PDE4D: variants seen among roughly 807,000 people sequenced by gnomAD.
The protein encoded by PDE4D is phosphodiesterase 4D, also known as 3',5'-cyclic-AMP phosphodiesterase 4D.
A neutral mutation model predicts 87.4 loss-of-function variants in PDE4D; 24 were observed. The ratio of observed to expected loss-of-function variants is 0.27; its 90% CI spans 0.20 to 0.39. The LOEUF is 0.39. Ranked by LOEUF, PDE4D falls within the 10% of genes least tolerant of loss-of-function variation. PDE4D has a pLI of 1.00. For synonymous variants in PDE4D, 384 were observed against 383.2 expected (o/e 1.00, Z -0.02); for missense variants, 714 against 1,041.0 (o/e 0.69, Z 4.32).
Position 58,990,818 on chromosome 5 carries a change from G to C in PDE4D, c.1273C>G (p.His425Asp). Residue 425 changes from histidine to aspartate, a missense_variant, in exon 9 of 15, where the codon CAC (histidine) becomes GAC (aspartate). His to Asp is a moderately conservative substitution (Grantham distance 81). Coordinates refer to ENST00000340635, the MANE Select transcript of PDE4D (RefSeq NM_001104631.2). ...AACCACCTTACCTGAAAAATGGTGT[G>C]CATGATAACAGTCAAGGGCCGGTTA... ...SGNRPLTVIM[H>D]TIFQERDLLK... 4.4e-6 allele frequency: 7 copies of C among 1,581,734 alleles called. No homozygotes were observed. The highest frequency in any genetic ancestry group is 6.1e-6 in the Non-Finnish European group (7 of 1,157,014).
At chr5:59,726,164 A>T (rs544097300) in intron 1 of PDE4D, among the ~76,000 whole-genome samples, 1 of 152,250 alleles carries the variant, frequency 6.6e-6, no homozygotes, top group South Asian at 2.1e-4. Context: ...TTTTCCCAAC[A>T]CTATAATTTT....
intron 2 of PDE4D, among the ~76,000 whole-genome samples, chr5:60,051,081 C>G (rs1182590949): frequency 6.6e-6 from 1 of 152,102 alleles, no homozygotes; most frequent in Non-Finnish European, 1.5e-5. Context: ...GACTCCCACA[C>G]AATAATATTG....
At chr5:59,141,710 T>TGAAAGGCCC (rs1777913262) in intron 5 of PDE4D, among the ~76,000 whole-genome samples, 1 of 152,240 alleles carries the variant, frequency 6.6e-6, no homozygotes, top group East Asian at 1.9e-4. Flanking sequence ...GCTAATGTAT[T>TGAAAGGCCC]AGGCATGTGA....
intron 5 of PDE4D, among the ~76,000 whole-genome samples, chr5:59,176,155 T>G (rs1470138867): frequency 1.3e-5 from 2 of 152,196 alleles, no homozygotes; most frequent in African/African-American, 4.8e-5. Context: ...TTTTAAGGAA[T>G]TGTTAGATCA....
chr5:59,762,893 A>ATC (rs70975330), intron 1 of PDE4D, among the ~76,000 whole-genome samples: 1 of 105,906 alleles, frequency 9.4e-6, no homozygotes. Context: ...ATATATATAT[A>ATC]GCTTGCTCTT....
At position 59,412,221 on chromosome 5, in the gene PDE4D, A is replaced by C. The variant is rs534086017; in HGVS notation, c.456-196253T>G. On this transcript the variant is annotated intron_variant, in intron 1 of 14. Transcript: ENST00000340635. Reference sequence around the variant, plus strand: ...ACTAATGCAGTCATCTTTTACATTAAATGCAACGTTTTGTACTTTTATTTT... The same window carrying C: ...ACTAATGCAGTCATCTTTTACATTACATGCAACGTTTTGTACTTTTATTTT... 6.6e-5 allele frequency among the ~76,000 whole-genome samples: 10 copies of C among 152,286 alleles called. No homozygotes were observed. The South Asian group carries it at 2.1e-3, about 32-fold the overall frequency.
intron 5 of PDE4D, among the ~76,000 whole-genome samples, chr5:59,145,154 C>A (rs1778447277): frequency 6.6e-6 from 1 of 152,026 alleles, no homozygotes; most frequent in Non-Finnish European, 1.5e-5. Flanking sequence ...GGAGCATTCT[C>A]CATACAGTCT....
intron 2 of PDE4D, among the ~76,000 whole-genome samples, chr5:59,197,289 C>G (rs1745668855): frequency 6.6e-6 from 1 of 151,994 alleles, no homozygotes. Flanking sequence ...TGATAATTTA[C>G]CAGCCTTTTT....
intron 1 of PDE4D, among the ~76,000 whole-genome samples, chr5:60,215,358 C>G (rs1743742632): frequency 1.3e-5 from 2 of 152,112 alleles, no homozygotes; most frequent in Non-Finnish European, 2.9e-5. Flanking sequence ...AAAAACTATC[C>G]TTGTGTTTTA....
chr5:59,890,980 C>G (rs1277890373), intron 1 of PDE4D, among the ~76,000 whole-genome samples: 2 of 152,190 alleles, frequency 1.3e-5, no homozygotes, highest in Non-Finnish European at 2.9e-5. Context: ...GCAAAAGCAA[C>G]TCTATTAAGG....
At chr5:60,191,168 A>T (rs903312123) in intron 1 of PDE4D, among the ~76,000 whole-genome samples, 6 of 152,190 alleles carry the variant, frequency 3.9e-5, no homozygotes, top group African/African-American at 1.4e-4. Flanking sequence ...AGGTCCAATA[A>T]CAAAAAGTAT....
At chr5:60,230,188 A>G (rs2149622670) in intron 1 of PDE4D, among the ~76,000 whole-genome samples, 1 of 152,278 alleles carries the variant, frequency 6.6e-6, no homozygotes, top group African/African-American at 2.4e-5. Context: ...ATTTTAAAAA[A>G]CAATGATTTT....
intron 1 of PDE4D, among the ~76,000 whole-genome samples, chr5:59,364,513 GT>G (rs1240274600): frequency 6.6e-6 from 1 of 152,114 alleles, no homozygotes; most frequent in Non-Finnish European, 1.5e-5. Context: ...AATTTGACGT[GT>G]TTTTGTTTGA....
intron 1 of PDE4D, among the ~76,000 whole-genome samples, chr5:59,829,155 A>C (rs2152695256): frequency 6.6e-6 from 1 of 152,026 alleles, no homozygotes; most frequent in East Asian, 1.9e-4. Context: ...ACACACACAC[A>C]CACACACAAA....
At chr5:59,074,409 T>C (rs1765350612) in intron 5 of PDE4D, among the ~76,000 whole-genome samples, 1 of 152,002 alleles carries the variant, frequency 6.6e-6, no homozygotes, top group Admixed American at 6.6e-5. Context: ...AATATGAAAG[T>C]ATAAGAAATA....
At chr5:59,733,499 G>C (rs1757667553) in intron 1 of PDE4D, among the ~76,000 whole-genome samples, 1 of 152,064 alleles carries the variant, frequency 6.6e-6, no homozygotes, top group African/African-American at 2.4e-5. Context: ...TAACAAAAGA[G>C]AAGGAAGCTT....
chr5:59,326,161 A>C (rs1183323305), intron 1 of PDE4D, among the ~76,000 whole-genome samples: 2 of 152,108 alleles, frequency 1.3e-5, no homozygotes, highest in Non-Finnish European at 2.9e-5. Context: ...AGATATACCT[A>C]ATGCTAGATG....
intron 11 of PDE4D, among the ~76,000 whole-genome samples, chr5:58,978,331 T>C (rs1328676972): frequency 6.6e-6 from 1 of 151,502 alleles, no homozygotes; most frequent in African/African-American, 2.4e-5. Context: ...GGAGGATTGC[T>C]TGAGCCCAGG....
chr5:59,200,082 T>C (rs183835883), intron 2 of PDE4D, among the ~76,000 whole-genome samples: 9 of 144,448 alleles, frequency 6.2e-5, no homozygotes, highest in East Asian at 4.5e-4. Context: ...TATGCACACA[T>C]ACATGTATGT....
Sources: gnomAD v4.1 joint callset for allele counts (sites outside exome capture counted in the v4.1 genomes callset) on GRCh38, gnomAD v4.1.1 for gene constraint, MANE v1.5 for transcripts, NCBI Gene and HGNC (gene_info 2026-07-23, HGNC 2026-07-21) for gene names.